VPS13A: variants seen among roughly 807,000 people sequenced by gnomAD.
The protein encoded by VPS13A is vacuolar protein sorting 13 homolog A, also known as intermembrane lipid transfer protein VPS13A.
A neutral mutation model predicts 390.9 loss-of-function variants in VPS13A; 264 were observed. That is an observed-to-expected ratio of 0.68 (90% CI 0.61 to 0.75). The LOEUF (loss-of-function observed/expected upper bound fraction) is 0.75. VPS13A is among the 30% of genes least tolerant of loss of function. The pLI, the probability that VPS13A is intolerant of heterozygous loss-of-function variation, is 0.00. For synonymous variants in VPS13A, 1,231 were observed against 1,227.1 expected, an observed-to-expected ratio of 1.00 and a Z score of -0.07; for missense variants, 3,409 against 3,733.9, an observed-to-expected ratio of 0.91 and a Z score of 2.27.
At chr9:77,367,549 A>G (rs1832500906) in intron 61 of VPS13A, among the ~76,000 whole-genome samples, 1 of 152,242 alleles carries the variant, frequency 6.6e-6, no homozygotes. Context: ...AACAAGAAGC[A>G]TAGAGCTTTT....
At chr9:77,407,644 C>T in intron 71 of VPS13A, 37 bp downstream of exon 71, 4 of 1,474,708 alleles carry the variant, frequency 2.7e-6, no homozygotes, top group Non-Finnish European at 3.8e-6. Flanking sequence ...ATAGGAGCTG[C>T]TCACTTCAAA....
At chr9:77,244,929 C>T (rs910956524) in intron 19 of VPS13A, among the ~76,000 whole-genome samples, 1 of 151,904 alleles carries the variant, frequency 6.6e-6, no homozygotes. Flanking sequence ...TAAGAAAGAG[C>T]CTTCAAGGTG....
intron 1 of VPS13A, among the ~76,000 whole-genome samples, chr9:77,195,626 A>C (rs1824949659): frequency 1.3e-5 from 2 of 152,018 alleles, no homozygotes; most frequent in South Asian, 4.1e-4. Flanking sequence ...AATCCCAGCT[A>C]CTCAGGAGGC....
Position 77,276,180 on chromosome 9 carries a change from C to G in VPS13A, c.2783C>G (p.Ala928Gly), listed in dbSNP as rs757651034. The change falls in exon 26 of 72, where the codon GCC becomes GGC. Residue 928 changes from alanine (A) to glycine (G), a missense_variant. Ala to Gly is a moderately conservative substitution (Grantham distance 60). Around this residue, in one of 5 missense-constraint regions of VPS13A, gnomAD observed 2,717 missense variants for 2,917.4 expected, o/e 0.93. Transcript: ENST00000360280. ...AGAACATACGATTTGAAAGCAAATG[C>G]CTTTTTGAAAGAGTTCTGCTTAAAA... ...EIRTYDLKANAFLKEFCLKCP... is the reference protein window; with the variant it reads ...EIRTYDLKANGFLKEFCLKCP... 4 of 1,609,694 alleles carry G rather than the reference C, an allele frequency of 2.5e-6. No homozygotes were observed. In the South Asian group the frequency reaches 4.5e-5, roughly 18 times the overall value.
At chr9:77,304,153 T>C (rs1828568475) in intron 34 of VPS13A, among the ~76,000 whole-genome samples, 1 of 152,168 alleles carries the variant, frequency 6.6e-6, no homozygotes, top group African/African-American at 2.4e-5. Flanking sequence ...CCAGGTTTAT[T>C]GAGACTAGAG....
intron 33 of VPS13A, among the ~76,000 whole-genome samples, chr9:77,296,319 G>A (rs1167657474): frequency 5.9e-5 from 9 of 152,132 alleles, no homozygotes; most frequent in Non-Finnish European, 1.0e-4. Context: ...GGAATTAGGC[G>A]GATAACCAAA....
chr9:77,185,267 G>T lies in VPS13A; in HGVS notation c.100+7463G>T, dbSNP rs547619572. 3.3e-5 allele frequency among the ~76,000 whole-genome samples: 5 copies of T among 151,964 alleles called. No homozygotes were observed. In the South Asian group the frequency reaches 1.0e-3, roughly 32 times the overall value. Reference sequence around the variant, plus strand: ...AGTGATTCTCCTGCCTCAGCCTCCCGAGTAGCTGGGACTACAGGCGCCTGT... The same window carrying T: ...AGTGATTCTCCTGCCTCAGCCTCCCTAGTAGCTGGGACTACAGGCGCCTGT... On this transcript the variant is annotated intron_variant, in intron 1 of 71. Transcript: ENST00000360280.
chr9:77,401,969 G>C lies in VPS13A; in HGVS notation c.9190-1267G>C, dbSNP rs189438735. On this transcript the variant is annotated intron_variant, in intron 68 of 71. Transcript: ENST00000360280. ...GTGTGTGTATATAGGAAAAACCATAGAATATATGTAGGGCTCAGTGCTGTC... is the reference window on the plus strand; with the variant it reads ...GTGTGTGTATATAGGAAAAACCATACAATATATGTAGGGCTCAGTGCTGTC... Among the ~76,000 whole-genome samples the C allele has an allele frequency of 7.3e-3, 1,117 of 152,212 alleles. 8 individuals are homozygous for C. Among genetic ancestry groups the C allele is most frequent in the African/African-American group, 0.011 (458 of 41,540 alleles).
intron 1 of VPS13A, among the ~76,000 whole-genome samples, chr9:77,182,166 T>C (rs1589960890): frequency 1.3e-5 from 2 of 152,234 alleles, no homozygotes; most frequent in South Asian, 2.1e-4. Flanking sequence ...CGATCTCGGC[T>C]CACTGCAACC....
At chr9:77,237,111 A>G (rs528430538) in intron 17 of VPS13A, among the ~76,000 whole-genome samples, 1 of 151,904 alleles carries the variant, frequency 6.6e-6, no homozygotes, top group African/African-American at 2.4e-5. Context: ...GATGGTCTCG[A>G]TCTCTTGACC....
chr9:77,177,616 A>T lies in VPS13A; in HGVS notation c.-89A>T. 5 of 1,264,994 alleles carry T rather than the reference A, an allele frequency of 4.0e-6. No individual in the cohort carries two copies. The highest frequency in any genetic ancestry group is 2.0e-4 in the Middle Eastern group (1 of 5,022). 78.4% of individuals were successfully genotyped at this position (1,264,994 alleles called of 1,614,324 possible). ...AGCTGAAGCCGCCCCGGAGCCGGTG[A>T]ACCGAATTACCTCGAGGGAGGGGCG... On this transcript the variant is annotated 5_prime_UTR_variant, in exon 1 of 72. Transcript: ENST00000360280.
At chr9:77,397,334 C>T (rs560528930) in intron 68 of VPS13A, among the ~76,000 whole-genome samples, 2 of 151,874 alleles carry the variant, frequency 1.3e-5, no homozygotes, top group South Asian at 2.1e-4. Context: ...TTTTTTTAAA[C>T]GTTCATACCT....
At chr9:77,288,075 T>G (rs1564697504) in intron 31 of VPS13A, among the ~76,000 whole-genome samples, 1 of 152,192 alleles carries the variant, frequency 6.6e-6, no homozygotes, top group Non-Finnish European at 1.5e-5. Flanking sequence ...CACTGCACTG[T>G]TTTTCGTTCC....
intron 71 of VPS13A, among the ~76,000 whole-genome samples, chr9:77,412,702 C>G (rs912906714): frequency 6.6e-6 from 1 of 152,132 alleles, no homozygotes; most frequent in African/African-American, 2.4e-5. Context: ...ACAGGGATGC[C>G]CTCTCTCACC....
chr9:77,403,894 G>A (rs1301451104), intron 69 of VPS13A, among the ~76,000 whole-genome samples: 2 of 152,148 alleles, frequency 1.3e-5, no homozygotes, highest in Non-Finnish European at 2.9e-5. Context: ...CTGGGTGGTG[G>A]AGAGTGAAAA....
rs558095407 is a variant in VPS13A, at chr9:77,410,200, C to T, written c.9474+2593C>T. On this transcript the variant is annotated intron_variant, in intron 71 of 71. Transcript: ENST00000360280. Reference sequence around the variant, plus strand: ...ATTTCATATCCAGCCAAACTAAGCTCCATAAGTGAAGGAGAAATAAAATCC... The same window carrying T: ...ATTTCATATCCAGCCAAACTAAGCTTCATAAGTGAAGGAGAAATAAAATCC... 1.5e-4 allele frequency among the ~76,000 whole-genome samples: 23 copies of T among 152,128 alleles called. 2 individuals carry two copies. In the South Asian group the frequency reaches 2.5e-3, roughly 16 times the overall value.
intron 59 of VPS13A, among the ~76,000 whole-genome samples, chr9:77,364,964 C>T (rs1832354920): frequency 6.6e-6 from 1 of 152,118 alleles, no homozygotes; most frequent in South Asian, 2.1e-4. Context: ...ATAGAAGTTA[C>T]TTCCGTCTGA....
intron 23 of VPS13A, among the ~76,000 whole-genome samples, chr9:77,265,471 G>T (rs530844847): frequency 2.6e-5 from 4 of 152,022 alleles, no homozygotes; most frequent in African/African-American, 9.6e-5. Flanking sequence ...CCTCAATTTC[G>T]GAACTTGTTA....
chr9:77,227,346 ATTG>A (rs773079128), intron 15 of VPS13A, 42 bp from the exon 16 acceptor site: 103 of 1,346,898 alleles, frequency 7.6e-5, no homozygotes, highest in Non-Finnish European at 1.0e-4. Context: ...TGTTAATTTT[ATTG>A]TTTTTATTTA....
Sources: allele counts gnomAD v4.1 joint callset (sites outside exome capture counted in the v4.1 genomes callset), GRCh38; gene constraint gnomAD v4.1.1; regional missense constraint gnomAD v4.1.1; transcripts MANE v1.5; gene names NCBI Gene and HGNC (gene_info 2026-07-23, HGNC 2026-07-21).